Variants in PTPN21 observed in about 807,000 individuals in gnomAD.
PTPN21 encodes the protein protein tyrosine phosphatase non-receptor type 21, also known as tyrosine-protein phosphatase non-receptor type 21.
PTPN21 carries 77 observed loss-of-function variants against 131.8 expected under a neutral mutation model. The ratio of observed to expected loss-of-function variants is 0.58; its 90% CI spans 0.49 to 0.71. The LOEUF (loss-of-function observed/expected upper bound fraction) is 0.71, where lower values mean the gene tolerates loss of function less well. Ranked by LOEUF, PTPN21 falls within the 30% of genes least tolerant of loss-of-function variation. The pLI is 0.00. For synonymous variants in PTPN21, 715 were observed against 621.3 expected (o/e 1.15, Z -2.24); for missense variants, 1,552 against 1,527.1 (o/e 1.02, Z -0.27).
chr14:88,542,559 G>A (rs1422186852), intron 2 of PTPN21, among the ~76,000 whole-genome samples: 5 of 152,148 alleles, frequency 3.3e-5, no homozygotes, highest in South Asian at 4.1e-4. Context: ...AGTTTATTAG[G>A]CACTAAGTCT....
At chr14:88,468,365 G>T in intron 18 of PTPN21, 100 bp from the exon 19 acceptor site, 1 of 1,173,528 alleles carries the variant, frequency 8.5e-7, no homozygotes, top group Non-Finnish European at 1.2e-6. Flanking sequence ...GTTGGGAGAT[G>T]GACAGTCTCT....
chr14:88,479,222 G>A lies in PTPN21; in HGVS notation c.2209C>T (p.Pro737Ser). The A allele has an allele frequency of 6.2e-7, 1 of 1,601,436 alleles. No individual in the cohort carries two copies. Among genetic ancestry groups the A allele is most frequent in the Non-Finnish European group, 8.5e-7 (1 of 1,173,990 alleles). ...APPARAREPR[P>S]GLAQDPPGCP... ...CCAGGTGGGTCCTGGGCCAGGCCGG[G>A]CCGAGGCTCGCGCGCACGTGCAGGA... Residue 737 changes from proline to serine, a missense_variant, in exon 13 of 19, where the codon CCC becomes TCC. Coordinates refer to ENST00000556564, the MANE Select transcript of PTPN21 (RefSeq NM_007039.4).
At chr14:88,524,267 A>G (rs926993727) in intron 2 of PTPN21, among the ~76,000 whole-genome samples, 1 of 152,216 alleles carries the variant, frequency 6.6e-6, no homozygotes, top group Admixed American at 6.5e-5. Flanking sequence ...TGGTACTGGC[A>G]TAAGGAGAGA....
At chr14:88,541,827 C>T (rs2078710486) in intron 2 of PTPN21, among the ~76,000 whole-genome samples, 1 of 152,140 alleles carries the variant, frequency 6.6e-6, no homozygotes, top group South Asian at 2.1e-4. Flanking sequence ...ACAAATATTC[C>T]ATCCTTCCAG....
intron 3 of PTPN21, among the ~76,000 whole-genome samples, chr14:88,510,956 A>T (rs1291628339): frequency 6.6e-6 from 1 of 150,436 alleles, no homozygotes; most frequent in Admixed American, 6.6e-5. Context: ...TCTATAGCCC[A>T]GGCTGGAGTG....
At chr14:88,531,192 G>C (rs1483574452) in intron 2 of PTPN21, among the ~76,000 whole-genome samples, 6 of 152,114 alleles carry the variant, frequency 3.9e-5, no homozygotes, top group Non-Finnish European at 8.8e-5. Context: ...GAATAATTTT[G>C]AATCAACAAC....
intron 2 of PTPN21, 28 bp downstream of exon 2, chr14:88,550,210 T>C: frequency 1.2e-6 from 2 of 1,600,622 alleles, no homozygotes; most frequent in South Asian, 2.2e-5. Context: ...CACCCGCGCC[T>C]GGCCTGCAGT....
At chr14:88,537,621 C>T (rs898066753) in intron 2 of PTPN21, among the ~76,000 whole-genome samples, 2 of 152,096 alleles carry the variant, frequency 1.3e-5, no homozygotes, top group African/African-American at 4.8e-5. Context: ...ATGCCAGATA[C>T]TGATAAGTGC....
intron 2 of PTPN21, among the ~76,000 whole-genome samples, chr14:88,527,870 G>A (rs548348297): frequency 6.6e-6 from 1 of 152,098 alleles, no homozygotes; most frequent in Non-Finnish European, 1.5e-5. Flanking sequence ...TATTATACAT[G>A]TGGCTTGTCA....
intron 4 of PTPN21, among the ~76,000 whole-genome samples, chr14:88,507,274 G>A (rs1357199752): frequency 6.6e-6 from 1 of 152,086 alleles, no homozygotes; most frequent in Non-Finnish European, 1.5e-5. Context: ...ACATAGCATA[G>A]TATTAATAAA....
At position 88,479,909 on chromosome 14, in the gene PTPN21, C is replaced by T. The variant is rs370512291; in HGVS notation, c.1522G>A (p.Ala508Thr). 28 of 1,598,470 alleles carry T rather than the reference C, an allele frequency of 1.8e-5. No individual in the cohort carries two copies. The highest frequency in any genetic ancestry group is 2.1e-5 in the Non-Finnish European group (25 of 1,176,758). The change falls in exon 13 of 19, where the codon GCA (alanine) becomes ACA (threonine). Residue 508 changes from alanine to threonine, a missense_variant. This residue lies in a region of PTPN21 where 1,016 missense variants were observed against 883.5 expected (regional missense o/e 1.15). Transcript: ENST00000556564. Reference sequence around the variant, plus strand: ...TAGCTCAGGCTGAACGGGCAGTGTGCGGCCGCTGGCGAGGGGAGCTGTGCG... The same window carrying T: ...TAGCTCAGGCTGAACGGGCAGTGTGTGGCCGCTGGCGAGGGGAGCTGTGCG... ...EHAQLPSPAA[A>T]HCPFSLSYSF...
At chr14:88,522,862 T>G (rs2078417186) in intron 2 of PTPN21, among the ~76,000 whole-genome samples, 1 of 152,152 alleles carries the variant, frequency 6.6e-6, no homozygotes, top group Admixed American at 6.5e-5. Flanking sequence ...CAATATCATC[T>G]GTTTCTAAAA....
intron 4 of PTPN21, among the ~76,000 whole-genome samples, chr14:88,507,368 G>C (rs531335676): frequency 6.6e-6 from 1 of 152,156 alleles, no homozygotes; most frequent in Non-Finnish European, 1.5e-5. Context: ...AAACATCAGA[G>C]TATACTTACA....
At chr14:88,540,781 G>T (rs2078694500) in intron 2 of PTPN21, among the ~76,000 whole-genome samples, 1 of 152,078 alleles carries the variant, frequency 6.6e-6, no homozygotes, top group Non-Finnish European at 1.5e-5. Context: ...TCCCACCTCA[G>T]CCTCTAGAGT....
At chr14:88,530,701 T>C (rs2078544875) in intron 2 of PTPN21, among the ~76,000 whole-genome samples, 1 of 152,066 alleles carries the variant, frequency 6.6e-6, no homozygotes, top group Non-Finnish European at 1.5e-5. Context: ...AGGGACATTA[T>C]GGAATAATAA....
intron 2 of PTPN21, among the ~76,000 whole-genome samples, chr14:88,540,150 C>G (rs1379737004): frequency 6.6e-6 from 1 of 152,134 alleles, no homozygotes; most frequent in Admixed American, 6.5e-5. Flanking sequence ...ATTATTATCC[C>G]TCAGTGTATT....
At position 88,479,405 on chromosome 14, in the gene PTPN21, T is replaced by C. The variant is rs759626982; in HGVS notation, c.2026A>G (p.Ser676Gly). Residue 676 changes from serine to glycine, a missense_variant, in exon 13 of 19, where the codon AGC becomes GGC. Physicochemically the swap from Ser to Gly is moderately conservative, Grantham distance 56. Coordinates refer to ENST00000556564, the MANE Select transcript of PTPN21 (RefSeq NM_007039.4). ...PRAVSVGSQP[S>G]VFTERTQREG... ...CGCTGTGTCCTCTCGGTGAAAACGC[T>C]GGGCTGGGAGCCCACCGAGACGGCT... is the stretch of plus-strand genomic sequence containing the variant. The C allele has an allele frequency of 6.6e-5, 106 of 1,603,544 alleles. No individual in the cohort carries two copies. In the Middle Eastern group the frequency reaches 1.7e-3, roughly 25 times the overall value.
intron 2 of PTPN21, among the ~76,000 whole-genome samples, chr14:88,542,316 A>G (rs1441761167): frequency 6.6e-6 from 1 of 152,240 alleles, no homozygotes; most frequent in Admixed American, 6.5e-5. Flanking sequence ...ATCTGATTCT[A>G]TACACCAAAG....
chr14:88,485,934 TCTCAGGC>T, intron 10 of PTPN21, 92 bp from the exon 11 acceptor site: 1 of 768,548 alleles, frequency 1.3e-6, no homozygotes, highest in Admixed American at 2.5e-5. Context: ...TAATAAATCT[TCTCAGGC>T]AAAAAAAAAG....
Sources: gnomAD v4.1 joint callset for allele counts (sites outside exome capture counted in the v4.1 genomes callset) on GRCh38, gnomAD v4.1.1 for gene constraint, gnomAD v4.1.1 regional missense constraint, MANE v1.5 for transcripts, NCBI Gene and HGNC (gene_info 2026-07-23, HGNC 2026-07-21) for gene names.